The following OTOGL variants were observed in gnomAD, a reference collection of about 807,000 sequenced individuals.
OTOGL encodes the protein otogelin like.
In OTOGL, 285 loss-of-function variants were observed where a neutral mutation model predicts 318.5. The ratio of observed to expected loss-of-function variants is 0.89; its 90% CI spans 0.81 to 0.99. OTOGL has a LOEUF of 0.99. OTOGL is among the 50% of genes least tolerant of loss of function. OTOGL has a pLI of 0.00. For synonymous variants in OTOGL, 987 were observed against 936.5 expected (o/e 1.05, Z -0.99); for missense variants, 2,899 against 2,845.6 (o/e 1.02, Z -0.43).
Position 80,310,739 on chromosome 12 carries a change from C to G in OTOGL, c.3450+12C>G. On this transcript the variant is annotated intron_variant, in intron 30 of 58. Coordinates refer to ENST00000547103, the MANE Select transcript of OTOGL (RefSeq NM_001378609.3). ...CTTGTCGCAATGTGGTAAATGAATACTTTAATGAACTCTCGAGTTTCAATA... is the reference window on the plus strand; with the variant it reads ...CTTGTCGCAATGTGGTAAATGAATAGTTTAATGAACTCTCGAGTTTCAATA... The G allele has an allele frequency of 1.3e-6, 2 of 1,517,746 alleles. No individual in the cohort carries two copies. The highest frequency in any genetic ancestry group is 1.7e-5 in the Admixed American group (1 of 59,606). 94.0% of individuals were successfully genotyped at this position (1,517,746 alleles called of 1,614,324 possible). A position where few individuals can be genotyped will look rare whatever the true frequency, so the allele number is the denominator to read the frequency against.
chr12:80,227,513 C>T (rs948936868), intron 7 of OTOGL, among the ~76,000 whole-genome samples: 2 of 152,082 alleles, frequency 1.3e-5, no homozygotes, highest in African/African-American at 2.4e-5. Flanking sequence ...GCTCTAAAAG[C>T]GAATTGGAAA....
At chr12:80,278,087 G>A in intron 24 of OTOGL, 81 bp from the exon 25 acceptor site, 2 of 1,085,970 alleles carry the variant, frequency 1.8e-6, no homozygotes, top group Admixed American at 4.1e-5. Context: ...AGATGACAGT[G>A]TTAATATGCT....
Position 80,356,477 on chromosome 12 carries a change from T to G in OTOGL, c.5868T>G (p.Ile1956Met). The G allele has an allele frequency of 5.0e-6, 8 of 1,612,476 alleles. No individual in the cohort carries two copies. Among genetic ancestry groups the G allele is most frequent in the Non-Finnish European group, 6.8e-6 (8 of 1,179,254 alleles). Residue 1956 changes from isoleucine to methionine, a missense_variant, in exon 48 of 59, where the codon ATT (isoleucine) becomes ATG (methionine). Coordinates refer to ENST00000547103, the MANE Select transcript of OTOGL (RefSeq NM_001378609.3). ...IPTCTNSQKLIVGHSPLSCCP... is the reference protein window; with the variant it reads ...IPTCTNSQKLMVGHSPLSCCP... ...CATGTACAAATAGTCAAAAATTGAT[T>G]GTTGGCCACAGTCCTCTTTCTTGCT...
At position 80,338,613 on chromosome 12, in the gene OTOGL, T is replaced by C. The variant is rs137862652; in HGVS notation, c.4861-462T>C. ...TCCAATGCAAACCTGCAAAGTAGAA[T>C]CACTGGGAATCTTGATCTTTAACAA... On this transcript the variant is annotated intron_variant, in intron 42 of 58. Coordinates refer to ENST00000547103, the MANE Select transcript of OTOGL (RefSeq NM_001378609.3). Among the ~76,000 whole-genome samples the C allele has an allele frequency of 5.3e-4, 81 of 152,218 alleles. 2 individuals are homozygous for C. The East Asian group carries it at 0.015, about 28-fold the overall frequency.
At chr12:80,337,330 A>G (rs775159723) in intron 42 of OTOGL, among the ~76,000 whole-genome samples, 3 of 151,968 alleles carry the variant, frequency 2.0e-5, no homozygotes, top group South Asian at 2.1e-4. Flanking sequence ...TGGAAATGCT[A>G]TGAAGGAGAG....
intron 34 of OTOGL, among the ~76,000 whole-genome samples, chr12:80,323,083 A>C (rs1887440988): frequency 6.7e-6 from 1 of 149,260 alleles, no homozygotes; most frequent in Non-Finnish European, 1.5e-5. Flanking sequence ...ATGTGAAGAC[A>C]GATGAAAACC....
chr12:80,321,279 C>G (rs1887314694), intron 34 of OTOGL, among the ~76,000 whole-genome samples: 1 of 152,140 alleles, frequency 6.6e-6, no homozygotes, highest in Admixed American at 6.6e-5. Context: ...GTTTAAAAGT[C>G]ATGCTTTCTT....
chr12:80,258,152 A>G, intron 18 of OTOGL, 150 bp downstream of exon 18: 2 of 771,198 alleles, frequency 2.6e-6, no homozygotes, highest in Non-Finnish European at 3.9e-6. Flanking sequence ...ATGTATAGCA[A>G]TCTCTGATAA....
intron 54 of OTOGL, 148 bp from the exon 55 acceptor site, chr12:80,368,057 A>G (rs1890659099): frequency 1.6e-6 from 1 of 634,660 alleles, no homozygotes; most frequent in Non-Finnish European, 2.7e-6. Context: ...AAAGTCAATT[A>G]TTATTGGAAG....
chr12:80,335,273 A>AC (rs1888319407), intron 38 of OTOGL, among the ~76,000 whole-genome samples: 1 of 151,990 alleles, frequency 6.6e-6, no homozygotes, highest in Non-Finnish European at 1.5e-5. Context: ...AATTACTTTA[A>AC]CCCCCACACT....
chr12:80,336,128 T>A lies in OTOGL; in HGVS notation c.4588T>A (p.Trp1530Arg). 1 of 1,591,984 alleles carries A rather than the reference T, an allele frequency of 6.3e-7. No homozygotes were observed. The change falls in exon 39 of 59, where the codon TGG becomes AGG. Residue 1530 changes from tryptophan (W) to arginine (R), a missense_variant. This residue lies in a region of OTOGL where 2,607 missense variants were observed against 2,524.9 expected (regional missense o/e 1.03). Transcript: ENST00000547103. ...GAACAGTGATATCTGCTGCCCTGAG[T>A]GGGAATGTCCTTGTAAGTTTGCATT... ...QVNSDICCPE[W>R]ECPCRCSMLS...
intron 24 of OTOGL, among the ~76,000 whole-genome samples, chr12:80,277,947 C>A (rs1883930722): frequency 1.3e-5 from 2 of 151,358 alleles, no homozygotes; most frequent in Admixed American, 1.3e-4. Flanking sequence ...GTCAACATAT[C>A]ACATCTAGTC....
chr12:80,211,274 G>A (rs1877233668), intron 3 of OTOGL, among the ~76,000 whole-genome samples: 1 of 151,750 alleles, frequency 6.6e-6, no homozygotes, highest in Non-Finnish European at 1.5e-5. Context: ...TTTTAGCAGA[G>A]TAACATTTTT....
chr12:80,321,961 G>T (rs1342992497), intron 34 of OTOGL, among the ~76,000 whole-genome samples: 1 of 152,200 alleles, frequency 6.6e-6, no homozygotes, highest in Non-Finnish European at 1.5e-5. Context: ...CACTGCAGCT[G>T]AGGGACCCTG....
At position 80,320,699 on chromosome 12, in the gene OTOGL, A is replaced by C. The variant is rs1400399284; in HGVS notation, c.4080A>C (p.Glu1360Asp). The stretch of plus-strand genomic sequence containing the variant: ...AACATTCAAGTAGCTTCAGCATAGA[A>C]GGTATGTTTCCTGAGATCTCCAAAA... ...EFKHSSSFSIEEIQAAVPYRK... is the reference protein window; with the variant it reads ...EFKHSSSFSIDEIQAAVPYRK... Residue 1360 changes from glutamate to aspartate, a missense_variant and splice_region_variant, in exon 34 of 59, where the codon GAA (glutamate) becomes GAC (aspartate). Glu to Asp is a conservative substitution (Grantham distance 45). Coordinates refer to ENST00000547103, the MANE Select transcript of OTOGL (RefSeq NM_001378609.3). 1 of 1,593,380 alleles carries C rather than the reference A, an allele frequency of 6.3e-7. No homozygotes were observed. The highest frequency in any genetic ancestry group is 1.8e-5 in the Admixed American group (1 of 57,036).
At chr12:80,302,919 T>G (rs1431259097) in intron 28 of OTOGL, 136 bp downstream of exon 28, 6 of 865,864 alleles carry the variant, frequency 6.9e-6, no homozygotes, top group African/African-American at 1.8e-5. Flanking sequence ...CTCATACCCT[T>G]GTGAAAAAGA....
intron 11 of OTOGL, among the ~76,000 whole-genome samples, chr12:80,243,300 C>T (rs1009600063): frequency 6.6e-6 from 1 of 151,882 alleles, no homozygotes; most frequent in African/African-American, 2.4e-5. Context: ...GGAAAAGAAA[C>T]CCTACCAATA....
In OTOGL at chr12:80,355,761, C is replaced by G. The variant is rs1774318548; in HGVS notation, c.5619C>G (p.Pro1873=). The change falls in exon 47 of 59, where the codon CCC becomes CCG. Residue 1873 remains proline (P), a synonymous_variant. Coordinates refer to ENST00000547103, the MANE Select transcript of OTOGL (RefSeq NM_001378609.3). Reference sequence around the variant, plus strand: ...CATGCACTGATAGTGAAGACCAACCCCGCACTGCTGGGGAGATTTGGAATG... The same window carrying G: ...CATGCACTGATAGTGAAGACCAACCGCGCACTGCTGGGGAGATTTGGAATG... ...ECACTDSEDQ[P]RTAGEIWNGG... The G allele has an allele frequency of 1.2e-6, 2 of 1,613,674 alleles. No individual in the cohort carries two copies. Among genetic ancestry groups the G allele is most frequent in the Non-Finnish European group, 1.7e-6 (2 of 1,179,742 alleles).
In OTOGL at chr12:80,358,287, A is replaced by G; in HGVS notation, c.6059A>G (p.Asp2020Gly). The G allele has an allele frequency of 6.2e-7, 1 of 1,612,288 alleles. No individual in the cohort carries two copies. The highest frequency in any genetic ancestry group is 8.5e-7 in the Non-Finnish European group (1 of 1,178,986). The change falls in exon 50 of 59, where the codon GAT becomes GGT. Residue 2020 changes from aspartate to glycine, a missense_variant. By Grantham distance (94) the Asp-to-Gly change is moderately conservative (BLOSUM62 -1). Transcript: ENST00000547103. The stretch of plus-strand genomic sequence containing the variant: ...ACCAAACCTGTTCCACTATGTCATG[A>G]TGGGGAATTTCTCACAGTAGATCTT... ...SCTKPVPLCH[D>G]GEFLTVDLNS...
Sources: allele counts gnomAD v4.1 joint callset (sites outside exome capture counted in the v4.1 genomes callset), GRCh38; gene constraint gnomAD v4.1.1; regional missense constraint gnomAD v4.1.1; transcripts MANE v1.5; gene names NCBI Gene and HGNC (gene_info 2026-07-23, HGNC 2026-07-21).